The following MBNL1 variants were observed in gnomAD, a reference collection of about 807,000 sequenced individuals.
The protein encoded by MBNL1 is muscleblind like splicing regulator 1.
A neutral mutation model predicts 42.2 loss-of-function variants in MBNL1; 8 were observed. That is an observed-to-expected ratio of 0.19 (90% CI 0.11 to 0.34). MBNL1 has a LOEUF of 0.34. MBNL1 is among the 10% of genes least tolerant of loss of function. The pLI is 1.00. For missense variants in MBNL1, 309 were observed against 495.3 expected (o/e 0.62, Z 3.57); for synonymous variants, 169 against 173.9 (o/e 0.97, Z 0.22).
At chr3:152,274,141 C>T (rs1321054633) in intron 1 of MBNL1, among the ~76,000 whole-genome samples, 1 of 152,064 alleles carries the variant, frequency 6.6e-6, no homozygotes, top group African/African-American at 2.4e-5. Flanking sequence ...TGGATTTTTT[C>T]CTACGTTTTC....
chr3:152,294,860 C>G (rs1247718501), intron 1 of MBNL1, among the ~76,000 whole-genome samples: 1 of 152,074 alleles, frequency 6.6e-6, no homozygotes, highest in African/African-American at 2.4e-5. Context: ...GATCCAAATT[C>G]TATAAAATCT....
chr3:152,360,349 A>G (rs2095843586), intron 2 of MBNL1, among the ~76,000 whole-genome samples: 1 of 152,180 alleles, frequency 6.6e-6, no homozygotes, highest in African/African-American at 2.4e-5. Context: ...TGAAAATCAT[A>G]TACCCGTTTA....
At chr3:152,425,218 A>C (rs1170508539) in intron 3 of MBNL1, among the ~76,000 whole-genome samples, 1 of 152,094 alleles carries the variant, frequency 6.6e-6, no homozygotes, top group Non-Finnish European at 1.5e-5. Flanking sequence ...ACAAGAAAAA[A>C]AAAAACATCA....
Position 152,456,289 on chromosome 3 carries a change from G to T in MBNL1, c.1020G>T (p.Thr340=). Residue 340 remains threonine (T), a synonymous_variant, in exon 8 of 10, where the codon ACG becomes ACT. Transcript: ENST00000324210. ...TSVVPMVHGA[T]PATVSAATTS... ...AAGTTCCCATGGTGCACGGTGCTAC[G>T]CCAGCCACTGTGTCCGCAGCAACAA... 3 of 1,600,266 alleles carry T rather than the reference G, an allele frequency of 1.9e-6. No homozygotes were observed. Among genetic ancestry groups the T allele is most frequent in the Non-Finnish European group, 2.6e-6 (3 of 1,175,516 alleles).
intron 1 of MBNL1, among the ~76,000 whole-genome samples, chr3:152,294,717 C>G (rs1475106991): frequency 6.6e-6 from 1 of 152,086 alleles, no homozygotes; most frequent in Non-Finnish European, 1.5e-5. Flanking sequence ...TATTTACAGA[C>G]AAAATTTATT....
intron 2 of MBNL1, among the ~76,000 whole-genome samples, chr3:152,331,207 T>TAC (rs140853274): frequency 2.0e-5 from 3 of 151,126 alleles, no homozygotes; most frequent in Non-Finnish European, 3.0e-5. Flanking sequence ...CATACACACA[T>TAC]ACACACACAC....
At chr3:152,279,822 A>G (rs1349335469) in intron 1 of MBNL1, among the ~76,000 whole-genome samples, 1 of 152,118 alleles carries the variant, frequency 6.6e-6, no homozygotes, top group Non-Finnish European at 1.5e-5. Flanking sequence ...TGGTTGTTTG[A>G]TTATTTTATG....
upstream of MBNL1, chr3:152,263,191 T>C (rs1260574965): frequency 6.6e-6 from 1 of 152,190 alleles, no homozygotes; most frequent in Non-Finnish European, 1.5e-5. Context: ...AAGATTGTCT[T>C]AAAAGATTAA....
chr3:152,315,624 A>G (rs2070412233), intron 2 of MBNL1, among the ~76,000 whole-genome samples: 1 of 152,142 alleles, frequency 6.6e-6, no homozygotes, highest in African/African-American at 2.4e-5. Flanking sequence ...TCTAAGCTTT[A>G]GACAATTCAC....
intron 2 of MBNL1, among the ~76,000 whole-genome samples, chr3:152,332,492 A>G (rs1296564324): frequency 6.6e-6 from 1 of 152,158 alleles, no homozygotes; most frequent in African/African-American, 2.4e-5. Context: ...TTCTATGATA[A>G]CTTTTGATTA....
chr3:152,257,141 G>A (rs879940014), intron 2 of MBNL1, among the ~76,000 whole-genome samples: 4 of 152,102 alleles, frequency 2.6e-5, no homozygotes, highest in Admixed American at 6.5e-5. Context: ...GGTAGTGTGC[G>A]GTTTTTAAGT....
chr3:152,363,865 GA>G (rs1324881714), intron 2 of MBNL1, among the ~76,000 whole-genome samples: 1 of 151,838 alleles, frequency 6.6e-6, no homozygotes, highest in Non-Finnish European at 1.5e-5. Flanking sequence ...TTTTTTTAAT[GA>G]AAAAATATCA....
chr3:152,276,430 A>G (rs967912796), intron 1 of MBNL1, among the ~76,000 whole-genome samples: 5 of 152,228 alleles, frequency 3.3e-5, no homozygotes, highest in African/African-American at 1.2e-4. Context: ...CACAATAAGG[A>G]GTTGAACCAA....
intron 2 of MBNL1, among the ~76,000 whole-genome samples, chr3:152,406,065 C>G (rs1395101045): frequency 1.3e-5 from 2 of 152,186 alleles, no homozygotes; most frequent in Non-Finnish European, 2.9e-5. Context: ...GATGCTGGCA[C>G]CTACCAAATG....
chr3:152,391,151 G>A (rs2097700095), intron 2 of MBNL1, among the ~76,000 whole-genome samples: 1 of 152,138 alleles, frequency 6.6e-6, no homozygotes, highest in Admixed American at 6.5e-5. Flanking sequence ...CCGCAGGGCT[G>A]GTAAATGGCA....
intron 2 of MBNL1, among the ~76,000 whole-genome samples, chr3:152,400,529 A>G (rs1053146248): frequency 6.6e-6 from 1 of 152,228 alleles, no homozygotes; most frequent in Non-Finnish European, 1.5e-5. Flanking sequence ...TATGTTGAGT[A>G]TATTTTTAAA....
chr3:152,439,242 TATAATACCCATTGACTACAAAAAATA>T (rs2099116467), intron 4 of MBNL1, among the ~76,000 whole-genome samples: 1 of 152,044 alleles, frequency 6.6e-6, no homozygotes, highest in Non-Finnish European at 1.5e-5. Flanking sequence ...CAGAAAAAAA[TATAATACCCATTGACTACAAAAAATA>T]GAACGTTTAA....
intron 2 of MBNL1, among the ~76,000 whole-genome samples, chr3:152,356,633 C>A (rs56144916): frequency 0.013 from 1,936 of 152,180 alleles, 37 homozygotes; most frequent in African/African-American, 0.044. Flanking sequence ...CCACTCCCAG[C>A]TAATTTTTGT....
intron 3 of MBNL1, among the ~76,000 whole-genome samples, chr3:152,427,772 AAAT>A (rs942168021): frequency 2.1e-4 from 32 of 150,464 alleles, no homozygotes; most frequent in African/African-American, 7.7e-4. Context: ...AAATTTTAAA[AAAT>A]ATTTAAAAAT....
Sources: gnomAD v4.1 joint callset for allele counts (sites outside exome capture counted in the v4.1 genomes callset) on GRCh38, gnomAD v4.1.1 for gene constraint, MANE v1.5 for transcripts, NCBI Gene and HGNC (gene_info 2026-07-23, HGNC 2026-07-21) for gene names.